ERC2: variants seen among roughly 807,000 people sequenced by gnomAD.
ERC2 encodes the protein ELKS/RAB6-interacting/CAST family member 2.
Under a neutral mutation model 114.8 loss-of-function variants are expected in ERC2, and 42 were observed. That is an observed-to-expected ratio of 0.37 (90% confidence interval 0.29 to 0.47). The LOEUF (loss-of-function observed/expected upper bound fraction) is 0.47, where lower values mean the gene tolerates loss of function less well. ERC2 is among the 20% of genes least tolerant of loss of function. The pLI is 0.99. For missense variants in ERC2, 939 were observed against 1,150.7 expected, an observed-to-expected ratio of 0.82 and a Z score of 2.66; for synonymous variants, 454 against 425.5, an observed-to-expected ratio of 1.07 and a Z score of -0.82.
intron 3 of ERC2, among the ~76,000 whole-genome samples, chr3:56,270,767 C>T (rs1162415710): frequency 1.3e-5 from 2 of 152,150 alleles, no homozygotes; most frequent in African/African-American, 4.8e-5. Context: ...ATCACGAGGT[C>T]AGGAGATTGA....
intron 14 of ERC2, among the ~76,000 whole-genome samples, chr3:55,755,702 CCAAA>C (rs1471700613): frequency 1.1e-4 from 17 of 152,134 alleles, no homozygotes; most frequent in African/African-American, 2.2e-4. Context: ...ATGCTGCCTG[CCAAA>C]CAAAAACTCC....
rs540956290 is a variant in ERC2 at position 56,267,395 on chromosome 3, T to A, written c.1074+28624A>T. 5.3e-5 allele frequency among the ~76,000 whole-genome samples: 8 copies of A among 152,134 alleles called. No individual in the cohort carries two copies. The East Asian group carries it at 1.2e-3, about 22-fold the overall frequency. On this transcript the variant is annotated intron_variant, in intron 3 of 17. Transcript: ENST00000288221. ...AAAAGGCTACATGATCTCACTTACA[T>A]GTGGAATGTTTTTTAAAAATCAAAT...
At chr3:55,704,505 C>T (rs548915664) in intron 15 of ERC2, among the ~76,000 whole-genome samples, 25 of 152,302 alleles carry the variant, frequency 1.6e-4, no homozygotes, top group African/African-American at 5.3e-4. Context: ...AAATCCCAAA[C>T]GTTCAGGAAC....
chr3:55,671,369 T>C (rs78515809), intron 17 of ERC2, among the ~76,000 whole-genome samples: 267 of 152,328 alleles, frequency 1.8e-3, no homozygotes, highest in Middle Eastern at 6.8e-3. Context: ...AACATCTATA[T>C]CTGGATTTTG....
Position 56,032,917 on chromosome 3 carries a change from A to AGAGAGAG in ERC2, c.1642-13887_1642-13886insCTCTCTC, listed in dbSNP as rs1560056305. The stretch of plus-strand genomic sequence containing the variant: ...AGAGAGAGACAGAAAGAAAGAAAGA[A>AGAGAGAG]AGAAAGAAAGAAAGAAAGAAAGAAA... On this transcript the variant is annotated intron_variant, in intron 7 of 17. Transcript: ENST00000288221. Among the ~76,000 whole-genome samples the AGAGAGAG allele has an allele frequency of 2.9e-3, 220 of 75,878 alleles. 1 individual carries two copies. The highest frequency in any genetic ancestry group is 0.011 in the Admixed American group (63 of 5,680). The allele number at this position is 75,878 out of a possible 152,430, so 49.8% of individuals were successfully genotyped here. A position where few individuals can be genotyped will look rare whatever the true frequency, so the allele number is the denominator to read the frequency against.
intron 14 of ERC2, among the ~76,000 whole-genome samples, chr3:55,869,614 C>T (rs978597027): frequency 7.9e-5 from 12 of 152,140 alleles, no homozygotes; most frequent in African/African-American, 2.7e-4. Flanking sequence ...AACCACATGA[C>T]TCCTTCCCAT....
chr3:56,350,280 T>G (rs2058500973), intron 2 of ERC2, among the ~76,000 whole-genome samples: 1 of 152,236 alleles, frequency 6.6e-6, no homozygotes, highest in African/African-American at 2.4e-5. Context: ...TCAACTACAA[T>G]AGAAGCTGGC....
intron 17 of ERC2, among the ~76,000 whole-genome samples, chr3:55,650,410 G>T (rs535975767): frequency 2.4e-4 from 37 of 152,226 alleles, no homozygotes; most frequent in African/African-American, 8.2e-4. Flanking sequence ...GCTTCATGCT[G>T]GCTCCTTCTC....
chr3:55,581,335 A>G (rs2057251068), intron 17 of ERC2, among the ~76,000 whole-genome samples: 1 of 152,184 alleles, frequency 6.6e-6, no homozygotes, highest in African/African-American at 2.4e-5. Flanking sequence ...GCCCATGGGG[A>G]AAAAAGGTGA....
chr3:55,963,448 A>G (rs2068530458), intron 12 of ERC2, among the ~76,000 whole-genome samples: 3 of 152,246 alleles, frequency 2.0e-5, no homozygotes, highest in African/African-American at 7.2e-5. Context: ...GAAGGACAAA[A>G]GGGCAAGGAC....
At chr3:56,025,116 C>T (rs1199487091) in intron 7 of ERC2, among the ~76,000 whole-genome samples, 1 of 152,134 alleles carries the variant, frequency 6.6e-6, no homozygotes, top group African/African-American at 2.4e-5. Flanking sequence ...GCTTGGGGAG[C>T]ATGAATGCAC....
chr3:55,552,651 A>AT (rs1447150652), intron 17 of ERC2, among the ~76,000 whole-genome samples: 1 of 151,276 alleles, frequency 6.6e-6, no homozygotes, highest in Non-Finnish European at 1.5e-5. Flanking sequence ...AAAAAAAAAA[A>AT]GGAGAAAAGA....
At chr3:55,668,135 A>G (rs2061425588) in intron 17 of ERC2, among the ~76,000 whole-genome samples, 1 of 152,178 alleles carries the variant, frequency 6.6e-6, no homozygotes, top group African/African-American at 2.4e-5. Flanking sequence ...ATATATATAT[A>G]TGTATCTCAC....
intron 17 of ERC2, among the ~76,000 whole-genome samples, chr3:55,675,412 T>G (rs1031442114): frequency 6.6e-6 from 1 of 152,162 alleles, no homozygotes; most frequent in Non-Finnish European, 1.5e-5. Context: ...AGAGTTAAGG[T>G]ACGTCTTGGT....
chr3:56,444,077 C>T (rs993273226), intron 1 of ERC2, among the ~76,000 whole-genome samples: 4 of 148,446 alleles, frequency 2.7e-5, no homozygotes, highest in Non-Finnish European at 5.9e-5. Context: ...ATTCTCCTGA[C>T]TCAGCCTCCC....
In ERC2 at chr3:56,413,424, C is replaced by A. The variant is rs370646696; in HGVS notation, c.657+20927G>T. Among the ~76,000 whole-genome samples, 4 of 152,298 alleles carry A rather than the reference C, an allele frequency of 2.6e-5. No homozygotes were observed. The East Asian group carries it at 7.7e-4, about 29-fold the overall frequency. Reference sequence around the variant, plus strand: ...GTGGCTGCTTGGGGTCAGCGCACAGCAGGTATGGCCATCTTGGGTCCTGGG... The same window carrying A: ...GTGGCTGCTTGGGGTCAGCGCACAGAAGGTATGGCCATCTTGGGTCCTGGG... On this transcript the variant is annotated intron_variant, in intron 2 of 17. Transcript: ENST00000288221.
At chr3:55,825,826 G>A (rs1324426693) in intron 14 of ERC2, among the ~76,000 whole-genome samples, 1 of 151,726 alleles carries the variant, frequency 6.6e-6, no homozygotes, top group Non-Finnish European at 1.5e-5. Context: ...TGTGTTTGTT[G>A]TTTTTGTTTT....
intron 3 of ERC2, among the ~76,000 whole-genome samples, chr3:56,264,225 T>C (rs2053138554): frequency 6.6e-6 from 1 of 152,194 alleles, no homozygotes; most frequent in African/African-American, 2.4e-5. Flanking sequence ...CTAAAAGCTT[T>C]TTCCTTAAGA....
intron 13 of ERC2, among the ~76,000 whole-genome samples, chr3:55,948,897 A>G (rs1435842256): frequency 6.6e-6 from 1 of 152,244 alleles, no homozygotes; most frequent in Non-Finnish European, 1.5e-5. Flanking sequence ...TATAACAACC[A>G]TTAGTCATGA....
Sources: allele counts gnomAD v4.1 joint callset (sites outside exome capture counted in the v4.1 genomes callset), GRCh38; gene constraint gnomAD v4.1.1; transcripts MANE v1.5; gene names NCBI Gene and HGNC (gene_info 2026-07-23, HGNC 2026-07-21).